Variants in FOXJ3 observed in about 807,000 individuals in gnomAD.
The protein encoded by FOXJ3 is forkhead box protein J3.
FOXJ3 carries 22 observed loss-of-function variants against 76.1 expected under a neutral mutation model. The observed-to-expected ratio is 0.29, with a 90% CI of 0.21 to 0.41. The LOEUF (loss-of-function observed/expected upper bound fraction) is 0.41. Ranked by LOEUF, FOXJ3 falls within the 10% of genes least tolerant of loss-of-function variation. FOXJ3 has a pLI of 1.00. For missense variants in FOXJ3, 613 were observed against 762.1 expected, an observed-to-expected ratio of 0.80 and a Z score of 2.30; for synonymous variants, 269 against 261.2, an observed-to-expected ratio of 1.03 and a Z score of -0.29.
intron 4 of FOXJ3, among the ~76,000 whole-genome samples, chr1:42,228,790 G>T (rs980822076): frequency 6.6e-6 from 1 of 152,124 alleles, no homozygotes; most frequent in Non-Finnish European, 1.5e-5. Context: ...AGGAAAGCAT[G>T]AAAGAGGGGA....
chr1:42,311,774 T>C (rs951332518), intron 1 of FOXJ3, among the ~76,000 whole-genome samples: 2 of 152,128 alleles, frequency 1.3e-5, no homozygotes, highest in African/African-American at 4.8e-5. Flanking sequence ...AAAGGATTTA[T>C]ATAACTTCAA....
At chr1:42,295,725 C>A (rs951837235) in intron 2 of FOXJ3, among the ~76,000 whole-genome samples, 4 of 152,006 alleles carry the variant, frequency 2.6e-5, no homozygotes, top group African/African-American at 9.7e-5. Context: ...GACAAGGTTT[C>A]ACGATGTTGG....
intron 4 of FOXJ3, among the ~76,000 whole-genome samples, chr1:42,247,008 C>T (rs147720666): frequency 6.6e-6 from 1 of 152,014 alleles, no homozygotes; most frequent in Non-Finnish European, 1.5e-5. Context: ...GAATGACAGT[C>T]CCCAGAGGAT....
chr1:42,264,874 C>T (rs773879861), intron 4 of FOXJ3: 43 of 407,526 alleles, frequency 1.1e-4, no homozygotes, highest in Admixed American at 5.6e-4. Context: ...TAATTTAATA[C>T]ACAATACTTC....
intron 3 of FOXJ3, among the ~76,000 whole-genome samples, chr1:42,278,104 G>A (rs1164960458): frequency 2.0e-5 from 3 of 151,828 alleles, no homozygotes; most frequent in African/African-American, 2.4e-5. Flanking sequence ...TCCAGTGAAC[G>A]CTACATTATC....
At chr1:42,226,219 G>T (rs1034026620) in intron 5 of FOXJ3, among the ~76,000 whole-genome samples, 16 of 146,392 alleles carry the variant, frequency 1.1e-4, no homozygotes, top group Admixed American at 9.9e-4. Context: ...TGAGAGGAGT[G>T]CTTAAAAAAA....
At chr1:42,290,322 C>T (rs1426138182) in intron 2 of FOXJ3, among the ~76,000 whole-genome samples, 1 of 152,108 alleles carries the variant, frequency 6.6e-6, no homozygotes, top group African/African-American at 2.4e-5. Context: ...CCGTTACCTA[C>T]TACTAGTTAA....
intron 4 of FOXJ3, among the ~76,000 whole-genome samples, chr1:42,256,016 C>T (rs1476555693): frequency 6.6e-6 from 1 of 151,800 alleles, no homozygotes; most frequent in Non-Finnish European, 1.5e-5. Context: ...AGCGAGACTT[C>T]GTCTCAAAAA....
Position 42,191,515 on chromosome 1 carries a change from G to A in FOXJ3, c.1139C>T (p.Ser380Phe). ...ATGCGGTCGATGGGGAGGATGTGGA[G>A]ATGGCTGTGTGTGCATCTGGGGGTG... Reference protein sequence around the residue: ...LSHPQMHTQPSPHPPHRPHGL... With the variant: ...LSHPQMHTQPFPHPPHRPHGL... Residue 380 changes from serine to phenylalanine, a missense_variant, in exon 9 of 13, where the codon TCT becomes TTT. Transcript: ENST00000361346. The A allele has an allele frequency of 6.2e-7, 1 of 1,614,082 alleles. No homozygotes were observed. Among genetic ancestry groups the A allele is most frequent in the Non-Finnish European group, 8.5e-7 (1 of 1,180,004 alleles).
At chr1:42,219,550 T>C (rs1194346166) in intron 5 of FOXJ3, among the ~76,000 whole-genome samples, 2 of 152,216 alleles carry the variant, frequency 1.3e-5, no homozygotes, top group African/African-American at 4.8e-5. Flanking sequence ...CATGACTTTA[T>C]AACATAACTT....
intron 2 of FOXJ3, among the ~76,000 whole-genome samples, chr1:42,306,298 C>CTTTTTTTTTTTTTTTTTTTTTTTTT (rs9326121): frequency 1.2e-5 from 1 of 81,692 alleles, no homozygotes; most frequent in Non-Finnish European, 2.3e-5. Flanking sequence ...GAACTTTTTT[C>CTTTTTTTTTTTTTTTTTTTTTTTTT]TTTTTTTTTT....
intron 4 of FOXJ3, among the ~76,000 whole-genome samples, chr1:42,238,606 T>C (rs1648886973): frequency 6.6e-6 from 1 of 152,120 alleles, no homozygotes; most frequent in South Asian, 2.1e-4. Flanking sequence ...TCACCCTGGC[T>C]GGAGTGCAAT....
At chr1:42,262,627 T>C (rs751277470) in intron 4 of FOXJ3, among the ~76,000 whole-genome samples, 2 of 152,170 alleles carry the variant, frequency 1.3e-5, no homozygotes, top group Non-Finnish European at 2.9e-5. Flanking sequence ...GGTGGTCCTA[T>C]CACTTGAGGT....
chr1:42,268,566 TA>T (rs1651643691), intron 3 of FOXJ3, among the ~76,000 whole-genome samples: 1 of 152,030 alleles, frequency 6.6e-6, no homozygotes, highest in African/African-American at 2.4e-5. Flanking sequence ...CTGTAAAATA[TA>T]AAAAATAAAT....
intron 4 of FOXJ3, among the ~76,000 whole-genome samples, chr1:42,236,121 C>A (rs926332910): frequency 2.0e-5 from 3 of 152,226 alleles, no homozygotes; most frequent in African/African-American, 7.2e-5. Flanking sequence ...AGGATCTACA[C>A]CACTAGACTC....
At chr1:42,334,302 A>T (rs1656332891) in intron 1 of FOXJ3, among the ~76,000 whole-genome samples, 3 of 152,176 alleles carry the variant, frequency 2.0e-5, no homozygotes, top group African/African-American at 7.2e-5. Context: ...TCTAACCAAC[A>T]GCCGGCCTCG....
chr1:42,261,056 A>G (rs1396282822), intron 4 of FOXJ3, among the ~76,000 whole-genome samples: 2 of 152,230 alleles, frequency 1.3e-5, no homozygotes, highest in Non-Finnish European at 2.9e-5. Context: ...AATTGAGAAA[A>G]GGTTAAGCTG....
chr1:42,265,239 A>T, intron 3 of FOXJ3, 50 bp from the exon 4 acceptor site: 1 of 955,464 alleles, frequency 1.0e-6, no homozygotes. Context: ...CAAAAAACAT[A>T]ACCCAAATTT....
intron 4 of FOXJ3, among the ~76,000 whole-genome samples, chr1:42,231,202 T>C (rs189218423): frequency 9.9e-5 from 15 of 150,986 alleles, no homozygotes; most frequent in African/African-American, 3.6e-4. Flanking sequence ...GGCAGGTGCC[T>C]GTAGTCCCAG....
Sources: gnomAD v4.1 joint callset for allele counts (sites outside exome capture counted in the v4.1 genomes callset) on GRCh38, gnomAD v4.1.1 for gene constraint, MANE v1.5 for transcripts, NCBI Gene and HGNC (gene_info 2026-07-23, HGNC 2026-07-21) for gene names.